The following SMYD3 variants were observed in gnomAD, a reference collection of about 807,000 sequenced individuals.
The protein encoded by SMYD3 is SET and MYND domain containing 3.
In SMYD3, 36 loss-of-function variants were observed where a neutral mutation model predicts 57.7. The observed-to-expected ratio is 0.62, with a 90% CI of 0.48 to 0.82. The LOEUF (loss-of-function observed/expected upper bound fraction) is 0.82, where lower values mean the gene tolerates loss of function less well. Ranked by LOEUF, SMYD3 falls within the 40% of genes least tolerant of loss-of-function variation. The pLI, the probability that SMYD3 is intolerant of heterozygous loss-of-function variation, is 0.00. For synonymous variants in SMYD3, 211 were observed against 195.0 expected, an observed-to-expected ratio of 1.08 and a Z score of -0.68; for missense variants, 515 against 538.8, an observed-to-expected ratio of 0.96 and a Z score of 0.44.
At chr1:246,157,113 G>C (rs1352102354) in intron 5 of SMYD3, among the ~76,000 whole-genome samples, 2 of 152,208 alleles carry the variant, frequency 1.3e-5, no homozygotes, top group African/African-American at 4.8e-5. Flanking sequence ...CCAATGAGTA[G>C]CGAAGTCTGG....
intron 1 of SMYD3, among the ~76,000 whole-genome samples, chr1:246,356,163 T>A (rs1208927851): frequency 6.6e-6 from 1 of 152,126 alleles, no homozygotes; most frequent in Admixed American, 6.5e-5. Context: ...GCCCAGTACC[T>A]CCACTGGGTG....
At chr1:246,006,497 C>G (rs962268614) in intron 5 of SMYD3, among the ~76,000 whole-genome samples, 8 of 152,142 alleles carry the variant, frequency 5.3e-5, no homozygotes, top group Admixed American at 1.3e-4. Context: ...ATCTGTCTTT[C>G]CCCACATACT....
At chr1:246,478,572 A>T in intron 1 of SMYD3, among the ~76,000 whole-genome samples, 1 of 80,022 alleles carries the variant, frequency 1.2e-5, no homozygotes, top group South Asian at 3.8e-4. Flanking sequence ...GAGCTGGTAC[A>T]TAAGTGCTCA....
intron 5 of SMYD3, among the ~76,000 whole-genome samples, chr1:246,038,566 G>A (rs1410151336): frequency 2.0e-5 from 3 of 152,062 alleles, no homozygotes; most frequent in Non-Finnish European, 4.4e-5. Context: ...AACACTTCTC[G>A]ACACAAATAC....
chr1:246,138,014 T>C (rs949731814), intron 5 of SMYD3, among the ~76,000 whole-genome samples: 8 of 152,312 alleles, frequency 5.3e-5, no homozygotes, highest in Middle Eastern at 3.4e-3. Context: ...CACATAATTT[T>C]TTTTCTTATT....
intron 5 of SMYD3, among the ~76,000 whole-genome samples, chr1:245,956,268 A>G (rs1264487886): frequency 6.6e-6 from 1 of 152,102 alleles, no homozygotes; most frequent in Non-Finnish European, 1.5e-5. Flanking sequence ...CACATAGTAT[A>G]CTCTCTACAA....
At chr1:246,221,596 T>C (rs1446998002) in intron 5 of SMYD3, among the ~76,000 whole-genome samples, 8 of 152,168 alleles carry the variant, frequency 5.3e-5, no homozygotes, top group Non-Finnish European at 1.2e-4. Context: ...CATTCCCCGG[T>C]GCCAGACGGG....
At chr1:246,490,254 T>C (rs1231778900) in intron 1 of SMYD3, among the ~76,000 whole-genome samples, 2 of 152,224 alleles carry the variant, frequency 1.3e-5, no homozygotes, top group Non-Finnish European at 2.9e-5. Flanking sequence ...CCAGTGACCC[T>C]AATCTTACTA....
chr1:246,376,250 T>A (rs1032096239), intron 1 of SMYD3, among the ~76,000 whole-genome samples: 17 of 152,116 alleles, frequency 1.1e-4, no homozygotes, highest in East Asian at 5.8e-4. Context: ...GAACCGATCT[T>A]ATGTTCATAT....
chr1:245,925,668 T>C (rs189089786), intron 7 of SMYD3, among the ~76,000 whole-genome samples: 5 of 152,234 alleles, frequency 3.3e-5, no homozygotes, highest in African/African-American at 1.2e-4. Context: ...AAGCTCAATA[T>C]AATAGAGAGT....
intron 5 of SMYD3, among the ~76,000 whole-genome samples, chr1:246,262,063 G>A (rs938787651): frequency 6.6e-6 from 1 of 152,142 alleles, no homozygotes; most frequent in African/African-American, 2.4e-5. Context: ...TTGTTACAGA[G>A]GGCAACTAAT....
At chr1:245,821,697 C>T (rs1200965181) in intron 10 of SMYD3, among the ~76,000 whole-genome samples, 4 of 151,130 alleles carry the variant, frequency 2.6e-5, no homozygotes, top group Non-Finnish European at 4.4e-5. Flanking sequence ...AACAAATTTA[C>T]AAGAAAAAAA....
intron 5 of SMYD3, among the ~76,000 whole-genome samples, chr1:246,247,168 C>T (rs1308997815): frequency 2.6e-5 from 4 of 151,954 alleles, no homozygotes; most frequent in African/African-American, 9.7e-5. Context: ...CCAGAGGAAC[C>T]ACAATGAAAA....
intron 1 of SMYD3, among the ~76,000 whole-genome samples, chr1:246,387,424 T>C (rs1427123031): frequency 6.6e-6 from 1 of 152,270 alleles, no homozygotes; most frequent in South Asian, 2.1e-4. Context: ...AAAGTGAACA[T>C]GGTACCAAAC....
In SMYD3 at chr1:245,849,397, A is replaced by G. The variant is rs531020671; in HGVS notation, c.1076+9099T>C. Reference sequence around the variant, plus strand: ...CACCGTGCTTTAAGATAAAGGTTTGAAGACCTCCAGTTACCTTGAGGGGGT... The same window carrying G: ...CACCGTGCTTTAAGATAAAGGTTTGGAGACCTCCAGTTACCTTGAGGGGGT... On this transcript the variant is annotated intron_variant, in intron 10 of 11. Coordinates refer to ENST00000490107, the MANE Select transcript of SMYD3 (RefSeq NM_001167740.2). Among the ~76,000 whole-genome samples the G allele has an allele frequency of 9.2e-5, 14 of 152,268 alleles. 1 individual carries two copies. In the South Asian group the frequency reaches 2.7e-3, roughly 29 times the overall value.
intron 5 of SMYD3, among the ~76,000 whole-genome samples, chr1:246,096,670 G>A (rs879578591): frequency 6.6e-6 from 1 of 152,176 alleles, no homozygotes; most frequent in Non-Finnish European, 1.5e-5. Flanking sequence ...GCAATTCTGA[G>A]CCTCAGGCAA....
Position 246,008,023 on chromosome 1 carries a change from T to C in SMYD3, c.532-78086A>G, listed in dbSNP as rs564564391. Among the ~76,000 whole-genome samples, 4 of 152,334 alleles carry C rather than the reference T, an allele frequency of 2.6e-5. No individual in the cohort carries two copies. The South Asian group carries it at 8.3e-4, about 32-fold the overall frequency. The stretch of plus-strand genomic sequence containing the variant: ...AGTGTTTAAGTCATAGTCCCTACCA[T>C]AGGGGCTTCAACAAAGTGATGCCAA... On this transcript the variant is annotated intron_variant, in intron 5 of 11. Coordinates refer to ENST00000490107, the MANE Select transcript of SMYD3 (RefSeq NM_001167740.2).
At chr1:246,071,734 T>TG (rs2060447941) in intron 5 of SMYD3, among the ~76,000 whole-genome samples, 1 of 152,182 alleles carries the variant, frequency 6.6e-6, no homozygotes, top group African/African-American at 2.4e-5. Flanking sequence ...AGCCAAGTTC[T>TG]GGGGAGGGAT....
At chr1:245,970,062 T>A (rs1436302105) in intron 5 of SMYD3, among the ~76,000 whole-genome samples, 2 of 152,154 alleles carry the variant, frequency 1.3e-5, no homozygotes, top group Admixed American at 6.5e-5. Flanking sequence ...CTTCAAACTG[T>A]ACTACAAGGC....
Sources: gnomAD v4.1 joint callset for allele counts (sites outside exome capture counted in the v4.1 genomes callset) on GRCh38, gnomAD v4.1.1 for gene constraint, MANE v1.5 for transcripts, NCBI Gene and HGNC (gene_info 2026-07-23, HGNC 2026-07-21) for gene names.